PCDHGA1: variants seen among roughly 807,000 people sequenced by gnomAD.
PCDHGA1 encodes protocadherin gamma subfamily A, 1.
PCDHGA1 carries 32 observed loss-of-function variants against 58.0 expected under a neutral mutation model. The observed-to-expected ratio is 0.55, with a 90% CI of 0.42 to 0.74. The LOEUF is 0.74. Among genes scored for constraint, PCDHGA1 ranks in the 30% least tolerant of loss-of-function variants. PCDHGA1 has a pLI of 0.00. For synonymous variants in PCDHGA1, 498 were observed against 501.1 expected, an observed-to-expected ratio of 0.99 and a Z score of 0.08; for missense variants, 1,205 against 1,182.3, an observed-to-expected ratio of 1.02 and a Z score of -0.28.
At chr5:141,394,945 T>A in intron 1 of PCDHGA1, 1 of 1,613,892 alleles carries the variant, frequency 6.2e-7, no homozygotes, top group African/African-American at 1.3e-5. Context: ...GTCGCTGTGC[T>A]TCTGGGGCTC....
chr5:141,418,270 A>T, intron 1 of PCDHGA1: 1 of 1,614,052 alleles, frequency 6.2e-7, no homozygotes. Context: ...GGAAAGATGA[A>T]ATAAACTTAG....
intron 1 of PCDHGA1, chr5:141,371,956 A>G (rs1410520873): frequency 6.2e-7 from 1 of 1,613,272 alleles, no homozygotes; most frequent in South Asian, 1.1e-5. Context: ...CGAGCCTTCG[A>G]CCACGAGCAG....
Position 141,511,565 on chromosome 5 carries a change from AG to A in PCDHGA1, c.*393del, listed in dbSNP as rs2099883852. 6.8e-6 allele frequency: 2 copies of A among 296,092 alleles called. No homozygotes were observed. Among genetic ancestry groups the A allele is most frequent in the South Asian group, 7.4e-5 (2 of 26,988 alleles). The allele number at this position is 296,092 out of a possible 1,614,324, so 18.3% of individuals were successfully genotyped here. On this transcript the variant is annotated 3_prime_UTR_variant, in exon 4 of 4. Transcript: ENST00000517417. ...CCACTCCAACAGTTCCTCTTTCCCG[AG>A]TAAGGTGGTTGGGGTGTTGAAGTAC...
intron 1 of PCDHGA1, chr5:141,408,377 C>A: frequency 6.2e-7 from 1 of 1,614,020 alleles, no homozygotes; most frequent in Non-Finnish European, 8.5e-7. Flanking sequence ...GCTCAGTGTC[C>A]TGGATGTGTC....
intron 1 of PCDHGA1, chr5:141,421,788 G>T: frequency 6.2e-7 from 1 of 1,613,800 alleles, no homozygotes; most frequent in Non-Finnish European, 8.5e-7. Flanking sequence ...GGGGCAGAAC[G>T]GATGGGGCCA....
chr5:141,445,890 T>C (rs1435563284), intron 1 of PCDHGA1, among the ~76,000 whole-genome samples: 1 of 152,210 alleles, frequency 6.6e-6, no homozygotes, highest in Non-Finnish European at 1.5e-5. Context: ...ACTTAGGAGC[T>C]ATTAAAATAT....
rs2099450974 is a variant in PCDHGA1 at position 141,478,361 on chromosome 5, G to A, written c.2422-16446G>A. 6 of 1,613,776 alleles carry A rather than the reference G, an allele frequency of 3.7e-6. No individual in the cohort carries two copies. The East Asian group carries it at 1.3e-4, about 36-fold the overall frequency. ...CTCCTTGCACGCGGACGCCGTGCGGGGAGGCCTGATGTCGCCGCACCTTTA... is the reference window on the plus strand; with the variant it reads ...CTCCTTGCACGCGGACGCCGTGCGGAGAGGCCTGATGTCGCCGCACCTTTA... On this transcript the variant is annotated intron_variant, in intron 1 of 3. Coordinates refer to ENST00000517417, the MANE Select transcript of PCDHGA1 (RefSeq NM_018912.3).
chr5:141,421,964 C>T (rs772274014), intron 1 of PCDHGA1: 3 of 1,611,472 alleles, frequency 1.9e-6, no homozygotes, highest in Non-Finnish European at 1.7e-6. Flanking sequence ...TTTACACAGT[C>T]CGTATATCGC....
intron 1 of PCDHGA1, chr5:141,394,026 G>A (rs745343207): frequency 6.2e-7 from 1 of 1,613,494 alleles, no homozygotes; most frequent in Admixed American, 1.7e-5. Context: ...TTATAGATTA[G>A]TGACAAGGAA....
chr5:141,408,448 G>A, intron 1 of PCDHGA1: 4 of 1,614,054 alleles, frequency 2.5e-6, no homozygotes, highest in Non-Finnish European at 2.5e-6. Context: ...CGGAGAGCGG[G>A]GACTTACTTG....
At chr5:141,421,841 AAG>A in intron 1 of PCDHGA1, 1 of 1,613,750 alleles carries the variant, frequency 6.2e-7, no homozygotes. Context: ...GACCGAGAGA[AAG>A]AGGCTGCTCA....
chr5:141,394,472 G>C, intron 1 of PCDHGA1: 2 of 1,614,242 alleles, frequency 1.2e-6, no homozygotes, highest in East Asian at 2.2e-5. Flanking sequence ...TGTTCGTGCT[G>C]GACCAGAATG....
At chr5:141,366,697 G>A in intron 1 of PCDHGA1, 1 of 1,614,250 alleles carries the variant, frequency 6.2e-7, no homozygotes, top group Non-Finnish European at 8.5e-7. Flanking sequence ...AGAAAAGCGA[G>A]CCTCTTCTGA....
rs1001912556 is a variant in PCDHGA1, at chr5:141,493,404, CTCTGCTGGGATTTTGCT to C, written c.2422-1391_2422-1375del. Among the ~76,000 whole-genome samples, 10 of 152,266 alleles carry C rather than the reference CTCTGCTGGGATTTTGCT, an allele frequency of 6.6e-5. No individual in the cohort carries two copies. Among genetic ancestry groups the C allele is most frequent in the Admixed American group, 6.5e-4 (10 of 15,298 alleles). On this transcript the variant is annotated intron_variant, in intron 1 of 3. Coordinates refer to ENST00000517417, the MANE Select transcript of PCDHGA1 (RefSeq NM_018912.3). The surrounding 1 kb of genome is among the most constrained non-coding windows in gnomAD (Gnocchi z 4.3). ...CTTGAGGACAGGAGAGGGGAGTTGCCTCTGCTGGGATTTTGCTTCTGCTGGGATGGGGCAAGGGTGGG... is the reference window on the plus strand; with the variant it reads ...CTTGAGGACAGGAGAGGGGAGTTGCCTCTGCTGGGATGGGGCAAGGGTGGG...
chr5:141,335,143 G>A (rs1379528673), intron 1 of PCDHGA1, among the ~76,000 whole-genome samples: 1 of 152,150 alleles, frequency 6.6e-6, no homozygotes, highest in Non-Finnish European at 1.5e-5. Flanking sequence ...GGTACCAAGA[G>A]TATACTCTCA....
Position 141,340,352 on chromosome 5 carries a change from A to G in PCDHGA1, c.2421+7247A>G, listed in dbSNP as rs1004329937. ...CTCCCGCACATCCTACTCCACCTAC[A>G]TTCCCGAAAACAACCCCAGAGGAGC... is the stretch of plus-strand genomic sequence containing the variant. On this transcript the variant is annotated intron_variant, in intron 1 of 3. Coordinates refer to ENST00000517417, the MANE Select transcript of PCDHGA1 (RefSeq NM_018912.3). 12 of 1,613,970 alleles carry G rather than the reference A, an allele frequency of 7.4e-6. No homozygotes were observed. In the Admixed American group the frequency reaches 1.5e-4, roughly 20 times the overall value.
At chr5:141,357,342 C>G in intron 1 of PCDHGA1, 2 of 1,614,144 alleles carry the variant, frequency 1.2e-6, no homozygotes, top group Non-Finnish European at 1.7e-6. Flanking sequence ...TGCTAGCACT[C>G]AAGCTGAGAC....
At chr5:141,366,516 G>C (rs1198130864) in intron 1 of PCDHGA1, 1 of 1,614,156 alleles carries the variant, frequency 6.2e-7, no homozygotes, top group African/African-American at 1.3e-5. Flanking sequence ...CAGGCTGAAG[G>C]CAGCAGGTTG....
intron 1 of PCDHGA1, chr5:141,341,588 C>G (rs1190198765): frequency 2.6e-6 from 3 of 1,142,230 alleles, no homozygotes; most frequent in Admixed American, 5.7e-5. Flanking sequence ...ACGTGAGAAT[C>G]TTTGTGCAAT....
Sources: allele counts gnomAD v4.1 joint callset (sites outside exome capture counted in the v4.1 genomes callset), GRCh38; gene constraint gnomAD v4.1.1; non-coding constraint Gnocchi (gnomAD v3.1); transcripts MANE v1.5; gene names NCBI Gene and HGNC (gene_info 2026-07-23, HGNC 2026-07-21).